PRKG1: variants seen among roughly 807,000 people sequenced by gnomAD.
PRKG1 encodes the protein cGMP-dependent protein kinase 1.
Under a neutral mutation model 88.1 loss-of-function variants are expected in PRKG1, and 35 were observed. That is an observed-to-expected ratio of 0.40 (90% CI 0.30 to 0.53). PRKG1 has a LOEUF of 0.53. Ranked by LOEUF, PRKG1 falls within the 20% of genes least tolerant of loss-of-function variation. The probability of loss-of-function intolerance (pLI) is 0.59; values close to 1 mark genes in which losing one functional copy is unlikely to be tolerated. For synonymous variants in PRKG1, 303 were observed against 292.5 expected, an observed-to-expected ratio of 1.04 and a Z score of -0.37; for missense variants, 540 against 839.8, an observed-to-expected ratio of 0.64 and a Z score of 4.41.
At chr10:52,251,047 C>G (rs1007453660) in intron 9 of PRKG1, among the ~76,000 whole-genome samples, 3 of 152,120 alleles carry the variant, frequency 2.0e-5, no homozygotes, top group Non-Finnish European at 4.4e-5. Context: ...CTTCTCGGAT[C>G]TGTTTTCATA....
intron 3 of PRKG1, among the ~76,000 whole-genome samples, chr10:51,497,246 T>C (rs1398805716): frequency 6.6e-6 from 1 of 152,208 alleles, no homozygotes; most frequent in Non-Finnish European, 1.5e-5. Flanking sequence ...TTTAGTTGAC[T>C]TAACATAGTT....
At chr10:51,420,687 T>G (rs1156568306) in intron 2 of PRKG1, among the ~76,000 whole-genome samples, 1 of 152,186 alleles carries the variant, frequency 6.6e-6, no homozygotes, top group East Asian at 1.9e-4. Flanking sequence ...ACCTTCAGGT[T>G]GTATTAGGCC....
chr10:51,859,576 G>T (rs1480697678), intron 4 of PRKG1, among the ~76,000 whole-genome samples: 1 of 151,910 alleles, frequency 6.6e-6, no homozygotes, highest in African/African-American at 2.4e-5. Context: ...ACAAATAATT[G>T]AATATTACAT....
intron 4 of PRKG1, among the ~76,000 whole-genome samples, chr10:51,852,736 C>A (rs1177389602): frequency 1.3e-5 from 2 of 152,124 alleles, no homozygotes; most frequent in African/African-American, 4.8e-5. Context: ...ATACTTTGAT[C>A]CATGAGTTTC....
chr10:51,351,933 A>T (rs890918564), intron 2 of PRKG1, among the ~76,000 whole-genome samples: 2 of 152,130 alleles, frequency 1.3e-5, no homozygotes, highest in African/African-American at 4.8e-5. Flanking sequence ...GGTGTAAGGA[A>T]GGGGGTCCAG....
Position 51,942,408 on chromosome 10 carries a change from T to C in PRKG1, c.762+34838T>C, listed in dbSNP as rs1252717128. Among the ~76,000 whole-genome samples the C allele has an allele frequency of 3.3e-5, 5 of 150,334 alleles. No individual in the cohort carries two copies. In the South Asian group the frequency reaches 6.3e-4, roughly 19 times the overall value. On this transcript the variant is annotated intron_variant, in intron 5 of 17. Transcript: ENST00000373980. The stretch of plus-strand genomic sequence containing the variant: ...TTTCTCCCATTTTGTAGGTTGCCTG[T>C]TCACTCTGATGGTAGTTTCTTTTGC...
chr10:51,336,801 G>A (rs1199434446), intron 2 of PRKG1, among the ~76,000 whole-genome samples: 1 of 152,164 alleles, frequency 6.6e-6, no homozygotes, highest in Non-Finnish European at 1.5e-5. Context: ...ATTAACCTTA[G>A]ATGAAAAACA....
Position 51,745,835 on chromosome 10 carries a change from C to T in PRKG1, c.593-58750C>T, listed in dbSNP as rs113846542. Among the ~76,000 whole-genome samples the T allele has an allele frequency of 8.8e-3, 1,333 of 152,196 alleles. 13 individuals are homozygous for T. The highest frequency in any genetic ancestry group is 0.051 in the Middle Eastern group (15 of 294). ...ACCAGCCTGGCCAACAGGGTGAAAC[C>T]CTGTCTCTACTAAAAATACAAAAAA... On this transcript the variant is annotated intron_variant, in intron 3 of 17. Transcript: ENST00000373980.
chr10:52,148,219 G>A (rs930556849), intron 8 of PRKG1, among the ~76,000 whole-genome samples: 3 of 152,116 alleles, frequency 2.0e-5, no homozygotes, highest in African/African-American at 7.2e-5. Flanking sequence ...AATGCCTGGA[G>A]ACATTTTTTG....
At chr10:51,449,725 CACA>C (rs1426641998) in intron 2 of PRKG1, among the ~76,000 whole-genome samples, 1 of 146,788 alleles carries the variant, frequency 6.8e-6, no homozygotes, top group African/African-American at 2.5e-5. Context: ...TAGATGGAAG[CACA>C]ACTTTAGTTT....
intron 2 of PRKG1, among the ~76,000 whole-genome samples, chr10:51,298,493 T>C (rs12260921): frequency 0.017 from 2,594 of 152,288 alleles, 74 homozygotes; most frequent in African/African-American, 0.059. Context: ...ATGAAACAGC[T>C]TTATGTAGAA....
At chr10:51,465,867 A>T (rs927279917) in intron 2 of PRKG1, among the ~76,000 whole-genome samples, 1 of 152,214 alleles carries the variant, frequency 6.6e-6, no homozygotes, top group African/African-American at 2.4e-5. Context: ...GCCAGTGATA[A>T]GAGCAAGCAT....
intron 9 of PRKG1, 30 bp downstream of exon 9, chr10:52,161,993 G>GAA: frequency 6.4e-7 from 1 of 1,574,028 alleles, no homozygotes; most frequent in Non-Finnish European, 8.7e-7. Flanking sequence ...AATTTTGATT[G>GAA]CAAAATGATT....
intron 3 of PRKG1, among the ~76,000 whole-genome samples, chr10:51,488,993 A>G (rs1326253): frequency 0.84 from 128,142 of 152,110 alleles, 54,102 homozygotes; most frequent in Middle Eastern, 0.92. Flanking sequence ...ACTAAAACAA[A>G]ACAAAACAAA....
At chr10:51,911,499 C>A (rs1842216210) in intron 5 of PRKG1, among the ~76,000 whole-genome samples, 1 of 152,040 alleles carries the variant, frequency 6.6e-6, no homozygotes, top group African/African-American at 2.4e-5. Flanking sequence ...TCAGAAGATG[C>A]CTTAATTTGT....
At chr10:51,659,048 T>C (rs1017426799) in intron 3 of PRKG1, among the ~76,000 whole-genome samples, 4 of 152,188 alleles carry the variant, frequency 2.6e-5, no homozygotes, top group African/African-American at 7.2e-5. Flanking sequence ...GTATTTATTA[T>C]GCAATTTGCC....
intron 1 of PRKG1, among the ~76,000 whole-genome samples, chr10:51,046,666 C>T (rs1015238077): frequency 4.6e-5 from 7 of 152,072 alleles, no homozygotes; most frequent in African/African-American, 7.2e-5. Flanking sequence ...GTCAGACCAG[C>T]GGAAATGAAA....
intron 3 of PRKG1, among the ~76,000 whole-genome samples, chr10:51,595,654 TAAA>T (rs571857743): frequency 6.6e-6 from 1 of 151,112 alleles, no homozygotes; most frequent in African/African-American, 2.4e-5. Context: ...AATAAATAAA[TAAA>T]TCTGGCAAGC....
chr10:52,133,972 T>A lies in PRKG1; in HGVS notation c.1001+67T>A, dbSNP rs1025728868. The A allele has an allele frequency of 2.4e-6, 3 of 1,233,500 alleles. No homozygotes were observed. In the African/African-American group the frequency reaches 4.5e-5, roughly 19 times the overall value. The allele number at this position is 1,233,500 out of a possible 1,614,324, so 76.4% of individuals were successfully genotyped here. On this transcript the variant is annotated intron_variant, in intron 8 of 17. Transcript: ENST00000373980. ...AGCAACACACATGAGTTCTTGGAAT[T>A]AGACATCATTTTATGGAGCTATTAA...
Sources: gnomAD v4.1 joint callset for allele counts (sites outside exome capture counted in the v4.1 genomes callset) on GRCh38, gnomAD v4.1.1 for gene constraint, MANE v1.5 for transcripts, NCBI Gene and HGNC (gene_info 2026-07-23, HGNC 2026-07-21) for gene names.